Variants in ZMAT3 observed in about 807,000 individuals in gnomAD.
The protein encoded by ZMAT3 is zinc finger matrin-type 3.
In ZMAT3, 17 loss-of-function variants were observed where a neutral mutation model predicts 32.3. The ratio of observed to expected loss-of-function variants is 0.53; its 90% CI spans 0.36 to 0.79. The LOEUF (loss-of-function observed/expected upper bound fraction) is 0.79, where lower values mean the gene tolerates loss of function less well. Ranked by LOEUF, ZMAT3 falls within the 30% of genes least tolerant of loss-of-function variation. The pLI, the probability that ZMAT3 is intolerant of heterozygous loss-of-function variation, is 0.00. For synonymous variants in ZMAT3, 120 were observed against 133.1 expected (o/e 0.90, Z 0.68); for missense variants, 329 against 359.7 (o/e 0.91, Z 0.69).
At chr3:179,047,454 A>C (rs868173356) in intron 2 of ZMAT3, among the ~76,000 whole-genome samples, 1 of 152,228 alleles carries the variant, frequency 6.6e-6, no homozygotes, top group African/African-American at 2.4e-5. Flanking sequence ...AGGTTCTTTA[A>C]CACCCCCAAA....
chr3:179,030,123 CAGA>C (rs1719097502), intron 3 of ZMAT3, among the ~76,000 whole-genome samples: 1 of 152,116 alleles, frequency 6.6e-6, no homozygotes, highest in Non-Finnish European at 1.5e-5. Flanking sequence ...TTCCAAAGAG[CAGA>C]AGAACTTGGT....
chr3:179,051,430 G>T (rs1720551514), intron 2 of ZMAT3, among the ~76,000 whole-genome samples: 1 of 151,952 alleles, frequency 6.6e-6, no homozygotes, highest in South Asian at 2.1e-4. Flanking sequence ...AAAATACATA[G>T]GAATATACTT....
chr3:179,064,709 G>A (rs1163685056), intron 2 of ZMAT3, among the ~76,000 whole-genome samples: 2 of 152,134 alleles, frequency 1.3e-5, no homozygotes, highest in African/African-American at 2.4e-5. Context: ...AGAATTACAG[G>A]TGTGAGGCAC....
intron 1 of ZMAT3, 115 bp from the exon 2 acceptor site, chr3:179,067,924 C>G (rs1721506549): frequency 1.0e-6 from 1 of 997,390 alleles, no homozygotes; most frequent in Admixed American, 2.9e-5. Flanking sequence ...CCAAACCCAT[C>G]TTTGGGACTT....
chr3:179,065,519 T>C (rs188817449), intron 2 of ZMAT3, among the ~76,000 whole-genome samples: 2 of 152,224 alleles, frequency 1.3e-5, no homozygotes, highest in East Asian at 3.9e-4. Context: ...CCTTTCAAAG[T>C]CCATGAAGTC....
At chr3:179,062,280 A>G (rs2108585063) in intron 2 of ZMAT3, among the ~76,000 whole-genome samples, 1 of 152,316 alleles carries the variant, frequency 6.6e-6, no homozygotes, top group South Asian at 2.1e-4. Context: ...CCTGAAGAGA[A>G]CAATTCTACC....
chr3:179,031,942 C>T (rs1284470592), intron 2 of ZMAT3, among the ~76,000 whole-genome samples: 1 of 1,300 alleles, frequency 7.7e-4, no homozygotes, highest in African/African-American at 3.2e-3. Flanking sequence ...TCTCCCTCCC[C>T]CTCCCCCTCC....
intron 2 of ZMAT3, among the ~76,000 whole-genome samples, chr3:179,061,929 A>G (rs779267062): frequency 1.8e-4 from 27 of 152,206 alleles, no homozygotes; most frequent in Non-Finnish European, 3.2e-4. Flanking sequence ...AATGTGATCA[A>G]TCTTGACAGT....
intron 2 of ZMAT3, among the ~76,000 whole-genome samples, chr3:179,062,276 G>C (rs559636507): frequency 6.6e-6 from 1 of 152,230 alleles, no homozygotes; most frequent in East Asian, 1.9e-4. Context: ...AAGACCTGAA[G>C]AGAACAATTC....
chr3:179,021,096 G>A lies in ZMAT3; in HGVS notation c.*3921C>T, dbSNP rs74907951. The A allele has an allele frequency of 1.3e-5, 2 of 152,294 alleles. No individual in the cohort carries two copies. Among genetic ancestry groups the A allele is most frequent in the African/African-American group, 4.8e-5 (2 of 41,556 alleles). 9.4% of individuals were successfully genotyped at this position (152,294 alleles called of 1,614,324 possible). ...AGTTTACCAACTAATTAAAAGGTCAGTGAAGAAGAGTTGGAGGAGGAACTT... is the reference window on the plus strand; with the variant it reads ...AGTTTACCAACTAATTAAAAGGTCAATGAAGAAGAGTTGGAGGAGGAACTT... On this transcript the variant is annotated 3_prime_UTR_variant, in exon 6 of 6. Coordinates refer to ENST00000311417, the MANE Select transcript of ZMAT3 (RefSeq NM_022470.4).
Position 179,071,616 on chromosome 3 carries a change from G to C in ZMAT3, c.-79C>G, listed in dbSNP as rs1721724525. ...TTACCGGAACCCCCGGGACGCGCCG[G>C]CAGTCTCCGCGCCGCGTCCGCCCGG... On this transcript the variant is annotated 5_prime_UTR_variant, in exon 1 of 6. Transcript: ENST00000311417. 6.6e-6 allele frequency: 1 copy of C among 152,126 alleles called. No homozygotes were observed. 9.4% of individuals were successfully genotyped at this position (152,126 alleles called of 1,614,324 possible).
chr3:179,064,082 T>G (rs1031787978), intron 2 of ZMAT3, among the ~76,000 whole-genome samples: 1 of 152,252 alleles, frequency 6.6e-6, no homozygotes, highest in Non-Finnish European at 1.5e-5. Context: ...AGTCCGGCTC[T>G]AGTGTAACCA....
rs1718565219 is a variant in ZMAT3, at chr3:179,021,894, A to G, written c.*3123T>C. On this transcript the variant is annotated 3_prime_UTR_variant, in exon 6 of 6. Coordinates refer to ENST00000311417, the MANE Select transcript of ZMAT3 (RefSeq NM_022470.4). ...AGAATACTGCAAGGTAACAAGCTCA[A>G]AACATAACCTACTGTCATAGAGATT... The G allele has an allele frequency of 6.6e-6, 1 of 152,236 alleles. No individual in the cohort carries two copies. Among genetic ancestry groups the G allele is most frequent in the Non-Finnish European group, 1.5e-5 (1 of 68,032 alleles). 9.4% of individuals were successfully genotyped at this position (152,236 alleles called of 1,614,324 possible). A position where few individuals can be genotyped will look rare whatever the true frequency, so the allele number is the denominator to read the frequency against.
intron 2 of ZMAT3, among the ~76,000 whole-genome samples, chr3:179,054,856 G>A (rs1003195276): frequency 2.0e-5 from 3 of 152,218 alleles, no homozygotes; most frequent in Non-Finnish European, 4.4e-5. Flanking sequence ...GCTTGCCATT[G>A]TTCCCACACG....
intron 2 of ZMAT3, among the ~76,000 whole-genome samples, chr3:179,059,860 C>G (rs1164095256): frequency 6.6e-6 from 1 of 152,078 alleles, no homozygotes; most frequent in East Asian, 1.9e-4. Context: ...TTTCCTAGGT[C>G]GACTAAGAAT....
intron 2 of ZMAT3, among the ~76,000 whole-genome samples, chr3:179,048,290 C>T (rs906591253): frequency 1.3e-5 from 2 of 151,952 alleles, no homozygotes; most frequent in African/African-American, 2.4e-5. Flanking sequence ...TCTAGACATC[C>T]GAATACAAGA....
rs1365309618 is a variant in ZMAT3, at chr3:179,022,678, C to T, written c.*2339G>A. On this transcript the variant is annotated 3_prime_UTR_variant, in exon 6 of 6. Transcript: ENST00000311417. ...AAAAGGGTTATTATACTAAGAGTCACAGGTCTAGATAGAATCCTAACAGAA... is the reference window on the plus strand; with the variant it reads ...AAAAGGGTTATTATACTAAGAGTCATAGGTCTAGATAGAATCCTAACAGAA... The T allele has an allele frequency of 6.6e-6, 1 of 151,194 alleles. No homozygotes were observed. Among genetic ancestry groups the T allele is most frequent in the Admixed American group, 6.6e-5 (1 of 15,184 alleles). 9.4% of individuals were successfully genotyped at this position (151,194 alleles called of 1,614,324 possible).
chr3:179,054,902 A>G (rs1430302057), intron 2 of ZMAT3, among the ~76,000 whole-genome samples: 1 of 152,178 alleles, frequency 6.6e-6, no homozygotes, highest in Non-Finnish European at 1.5e-5. Context: ...TGAGCTGAAC[A>G]CTAGTCACTG....
rs2108527177 is a variant in ZMAT3, at chr3:179,020,978, A to G, written c.*4039T>C. The G allele has an allele frequency of 6.6e-6, 1 of 152,144 alleles. No homozygotes were observed. The highest frequency in any genetic ancestry group is 2.4e-5 in the African/African-American group (1 of 41,494). The allele number at this position is 152,144 out of a possible 1,614,324, so 9.4% of individuals were successfully genotyped here. ...GGTGGAAGATCTCGTGCTTCTTGTT[A>G]GCTTTTTAAGTCAGGGGAATGTAAG... On this transcript the variant is annotated 3_prime_UTR_variant, in exon 6 of 6. Coordinates refer to ENST00000311417, the MANE Select transcript of ZMAT3 (RefSeq NM_022470.4).
Sources: gnomAD v4.1 joint callset for allele counts (sites outside exome capture counted in the v4.1 genomes callset) on GRCh38, gnomAD v4.1.1 for gene constraint, MANE v1.5 for transcripts, NCBI Gene and HGNC (gene_info 2026-07-23, HGNC 2026-07-21) for gene names.